Variants in SGSM1 observed in about 807,000 individuals in gnomAD.
The protein encoded by SGSM1 is RUN and TBC1 domain containing 2.
Under a neutral mutation model 133.8 loss-of-function variants are expected in SGSM1, and 73 were observed. That is an observed-to-expected ratio of 0.55 (90% CI 0.45 to 0.66). The LOEUF is 0.66. SGSM1 is among the 30% of genes least tolerant of loss of function. SGSM1 has a pLI of 0.00. For synonymous variants in SGSM1, 563 were observed against 573.0 expected (o/e 0.98, Z 0.25); for missense variants, 1,213 against 1,448.1 (o/e 0.84, Z 2.64).
intron 19 of SGSM1, 134 bp from the exon 20 acceptor site, chr22:24,901,699 G>T (rs912651381): frequency 3.2e-6 from 3 of 937,116 alleles, no homozygotes; most frequent in African/African-American, 1.7e-5. Flanking sequence ...CACCTGGCTG[G>T]TCCAGGTGGG....
chr22:24,893,474 A>G lies in SGSM1; in HGVS notation c.1814A>G (p.Glu605Gly), dbSNP rs1932849759. ...GCCTGCTATGCACAGACCATGGCTG[A>G]GTGGCTGGGCTGCGAGGCGATCGTG... Reference protein sequence around the residue: ...IHACYAQTMAEWLGCEAIVRQ... With the variant: ...IHACYAQTMAGWLGCEAIVRQ... The change falls in exon 17 of 25, where the codon GAG becomes GGG. Residue 605 changes from glutamate (E) to glycine (G), a missense_variant. Physicochemically the swap from Glu to Gly is moderately conservative, Grantham distance 98. Coordinates refer to ENST00000400358, the MANE Select transcript of SGSM1 (RefSeq NM_001098497.3). 5 of 1,613,750 alleles carry G rather than the reference A, an allele frequency of 3.1e-6. No homozygotes were observed. Among genetic ancestry groups the G allele is most frequent in the South Asian group, 1.1e-5 (1 of 91,090 alleles).
intron 2 of SGSM1, among the ~76,000 whole-genome samples, chr22:24,810,971 T>G (rs1357726293): frequency 1.3e-5 from 2 of 152,166 alleles, no homozygotes; most frequent in East Asian, 3.8e-4. Flanking sequence ...GGGGAGCAGT[T>G]TTGTCTCCCG....
intron 21 of SGSM1, among the ~76,000 whole-genome samples, chr22:24,908,801 CAAAA>C (rs899607046): frequency 4.5e-5 from 5 of 111,226 alleles, no homozygotes; most frequent in Non-Finnish European, 9.4e-5. Flanking sequence ...GACTCCATCT[CAAAA>C]AAAAAAAAAG....
chr22:24,825,752 C>G (rs973211497), intron 2 of SGSM1, among the ~76,000 whole-genome samples: 1 of 152,138 alleles, frequency 6.6e-6, no homozygotes, highest in African/African-American at 2.4e-5. Context: ...TTAAAGCCAC[C>G]CTGCAGGGCC....
chr22:24,868,673 G>A, intron 11 of SGSM1, 50 bp from the exon 12 acceptor site: 1 of 1,609,940 alleles, frequency 6.2e-7, no homozygotes, highest in Non-Finnish European at 8.5e-7. Flanking sequence ...TAAGCAAGTT[G>A]TGGGGACAGA....
chr22:24,904,989 G>A (rs1388384262), intron 20 of SGSM1, 116 bp from the exon 21 acceptor site: 5 of 812,444 alleles, frequency 6.2e-6, no homozygotes, highest in Non-Finnish European at 1.1e-5. Context: ...GCAGGCAGGA[G>A]GCTGAGGGAG....
At chr22:24,909,458 T>G (rs1015189386) in intron 21 of SGSM1, among the ~76,000 whole-genome samples, 1 of 151,066 alleles carries the variant, frequency 6.6e-6, no homozygotes, top group South Asian at 2.1e-4. Flanking sequence ...TTATTTATTA[T>G]TATTATTATT....
intron 12 of SGSM1, among the ~76,000 whole-genome samples, chr22:24,870,900 G>A (rs757702020): frequency 1.6e-4 from 24 of 152,174 alleles, no homozygotes; most frequent in Admixed American, 2.6e-4. Flanking sequence ...AACTTGCTTG[G>A]CAACTAACCC....
chr22:24,914,481 C>G (rs139768), intron 22 of SGSM1, among the ~76,000 whole-genome samples: 2 of 121,526 alleles, frequency 1.6e-5, no homozygotes, highest in African/African-American at 5.7e-5. Flanking sequence ...GTCCCCCCCC[C>G]CAAAAAAAAA....
At chr22:24,902,981 A>G (rs1033276804) in intron 20 of SGSM1, among the ~76,000 whole-genome samples, 1 of 152,080 alleles carries the variant, frequency 6.6e-6, no homozygotes, top group African/African-American at 2.4e-5. Flanking sequence ...GGTTGAGGCA[A>G]CAATGAACTG....
intron 15 of SGSM1, 45 bp from the exon 16 acceptor site, chr22:24,886,555 G>T (rs1403064226): frequency 1.3e-6 from 2 of 1,542,110 alleles, no homozygotes; most frequent in Non-Finnish European, 1.8e-6. Context: ...ACCACCCCCT[G>T]GTTTTCTGTT....
chr22:24,813,743 C>T (rs562059900), intron 2 of SGSM1: 1 of 152,328 alleles, frequency 6.6e-6, no homozygotes, highest in African/African-American at 2.4e-5. Flanking sequence ...CTTAGGCACC[C>T]TGGTTCGATG....
At chr22:24,812,173 AAAAG>A (rs1257907691) in intron 2 of SGSM1, among the ~76,000 whole-genome samples, 89 of 109,556 alleles carry the variant, frequency 8.1e-4, no homozygotes, top group African/African-American at 2.5e-3. Flanking sequence ...CCGTCTCAAA[AAAAG>A]AAAAAAAAAA....
intron 9 of SGSM1, among the ~76,000 whole-genome samples, chr22:24,866,374 A>G (rs1266643317): frequency 2.6e-5 from 4 of 152,176 alleles, no homozygotes; most frequent in Admixed American, 2.0e-4. Context: ...GAACCTGTGA[A>G]GCTATTGAGA....
chr22:24,895,249 C>T lies in SGSM1; in HGVS notation c.1980C>T (p.Arg660=), dbSNP rs766767228. The change falls in exon 18 of 25, where the codon CGC becomes CGT. Residue 660 remains arginine, a synonymous_variant. Coordinates refer to ENST00000400358, the MANE Select transcript of SGSM1 (RefSeq NM_001098497.3). ...CCTCCCAGAGCTGCAGTTCGGGCCG[C>T]CAGAACATCCGCCTGCACAGCGACT... ...NESSQSCSSG[R]QNIRLHSDSS... The T allele has an allele frequency of 5.5e-5, 89 of 1,612,004 alleles. No homozygotes were observed. Among genetic ancestry groups the T allele is most frequent in the Non-Finnish European group, 7.0e-5 (82 of 1,179,238 alleles).
intron 15 of SGSM1, 43 bp downstream of exon 15, chr22:24,884,241 C>T: frequency 6.4e-7 from 1 of 1,571,764 alleles, no homozygotes; most frequent in African/African-American, 1.4e-5. Context: ...GCAGAGGCTG[C>T]AGGGGGGTCA....
intron 2 of SGSM1, among the ~76,000 whole-genome samples, chr22:24,830,229 T>A (rs1266912754): frequency 6.6e-6 from 1 of 152,154 alleles, no homozygotes; most frequent in African/African-American, 2.4e-5. Context: ...TATCAAACTA[T>A]CCTGGGAGAT....
intron 6 of SGSM1, 71 bp from the exon 7 acceptor site, chr22:24,855,214 G>A (rs1930694542): frequency 8.3e-6 from 13 of 1,559,916 alleles, no homozygotes; most frequent in South Asian, 3.5e-5. Flanking sequence ...TGAGATGGGC[G>A]GCCATCTGCT....
At chr22:24,866,665 A>G (rs1931476124) in intron 9 of SGSM1, among the ~76,000 whole-genome samples, 1 of 151,942 alleles carries the variant, frequency 6.6e-6, no homozygotes, top group South Asian at 2.1e-4. Context: ...TGCCCTTACC[A>G]CTACTCTCCA....
Sources: allele counts gnomAD v4.1 joint callset (sites outside exome capture counted in the v4.1 genomes callset), GRCh38; gene constraint gnomAD v4.1.1; transcripts MANE v1.5; gene names NCBI Gene and HGNC (gene_info 2026-07-23, HGNC 2026-07-21).